UBE2K: variants seen among roughly 807,000 people sequenced by gnomAD.
UBE2K encodes ubiquitin-conjugating enzyme E2 K.
UBE2K carries 6 observed loss-of-function variants against 30.0 expected under a neutral mutation model. The observed-to-expected ratio is 0.20, with a 90% CI of 0.11 to 0.39. The LOEUF (loss-of-function observed/expected upper bound fraction) is 0.39, where lower values mean the gene tolerates loss of function less well. UBE2K is among the 10% of genes least tolerant of loss of function. The pLI, the probability that UBE2K is intolerant of heterozygous loss-of-function variation, is 1.00. For missense variants in UBE2K, 61 were observed against 241.6 expected (o/e 0.25, Z 4.96); for synonymous variants, 86 against 83.7 (o/e 1.03, Z -0.15).
At chr4:39,769,735 A>C (rs563824143) in intron 4 of UBE2K, among the ~76,000 whole-genome samples, 1 of 125,018 alleles carries the variant, frequency 8.0e-6, no homozygotes, top group South Asian at 2.7e-4. Context: ...GGGCAGGCTT[A>C]GCCAGGAATA....
At chr4:39,762,090 A>G (rs932258386) in intron 4 of UBE2K, among the ~76,000 whole-genome samples, 1 of 151,940 alleles carries the variant, frequency 6.6e-6, no homozygotes, top group African/African-American at 2.4e-5. Context: ...GAGGCAGAGA[A>G]TCGCTTAAAC....
intron 3 of UBE2K, among the ~76,000 whole-genome samples, chr4:39,755,327 G>T (rs1721471894): frequency 6.6e-6 from 1 of 152,074 alleles, no homozygotes; most frequent in Non-Finnish European, 1.5e-5. Context: ...TTTATTTTAT[G>T]TACTATTTTA....
chr4:39,717,943 T>G (rs1719188195), intron 1 of UBE2K, among the ~76,000 whole-genome samples: 1 of 146,874 alleles, frequency 6.8e-6, no homozygotes, highest in Non-Finnish European at 1.5e-5. Context: ...GCTTCAGGAG[T>G]GAAGCTGCAG....
intron 1 of UBE2K, among the ~76,000 whole-genome samples, chr4:39,711,318 A>C (rs1718663445): frequency 1.3e-5 from 2 of 151,184 alleles, no homozygotes; most frequent in Admixed American, 1.3e-4. Flanking sequence ...GCCCGCCACC[A>C]AGCCCAGCTA....
intron 4 of UBE2K, among the ~76,000 whole-genome samples, chr4:39,763,594 C>T (rs896037935): frequency 1.3e-5 from 2 of 152,078 alleles, no homozygotes; most frequent in African/African-American, 4.8e-5. Flanking sequence ...CAGTCATCAC[C>T]AATGGGGTGG....
chr4:39,762,854 G>A (rs916379508), intron 4 of UBE2K, among the ~76,000 whole-genome samples: 17 of 151,306 alleles, frequency 1.1e-4, no homozygotes, highest in Middle Eastern at 3.2e-3. Flanking sequence ...GGCTGGTCTC[G>A]AACTCCTGAC....
Position 39,755,745 on chromosome 4 carries a change from A to T in UBE2K, c.299+6A>T. ...GATATCCTGAAAGATCAATGGTAAG[A>T]GATTTTGAATTCACCTTCTCTCCTT... is the stretch of plus-strand genomic sequence containing the variant. On this transcript the variant is annotated splice_donor_region_variant and intron_variant, in intron 4 of 6. Coordinates refer to ENST00000261427, the MANE Select transcript of UBE2K (RefSeq NM_005339.5). 1.3e-6 allele frequency: 2 copies of T among 1,587,628 alleles called. No homozygotes were observed. Among genetic ancestry groups the T allele is most frequent in the South Asian group, 2.3e-5 (2 of 86,304 alleles).
chr4:39,758,760 C>T (rs1328792862), intron 4 of UBE2K, among the ~76,000 whole-genome samples: 1 of 151,876 alleles, frequency 6.6e-6, no homozygotes, highest in Non-Finnish European at 1.5e-5. Context: ...GTTAAGCCAA[C>T]AGTACTATTA....
intron 1 of UBE2K, among the ~76,000 whole-genome samples, chr4:39,707,212 T>G (rs925934123): frequency 2.0e-5 from 3 of 151,018 alleles, no homozygotes; most frequent in African/African-American, 4.9e-5. Context: ...ACCTGGAGTT[T>G]TTTTGTTTTG....
intron 1 of UBE2K, among the ~76,000 whole-genome samples, chr4:39,733,071 A>C (rs911255995): frequency 1.3e-5 from 2 of 150,970 alleles, no homozygotes; most frequent in African/African-American, 2.4e-5. Flanking sequence ...AAAAAAAAAA[A>C]AAACAACCAG....
rs778312365 is a variant in UBE2K at position 39,777,819 on chromosome 4, A to C, written c.528+9A>C. 5 of 1,424,934 alleles carry C rather than the reference A, an allele frequency of 3.5e-6. No individual in the cohort carries two copies. Among genetic ancestry groups the C allele is most frequent in the Non-Finnish European group, 4.6e-6 (5 of 1,086,318 alleles). 88.3% of individuals were successfully genotyped at this position (1,424,934 alleles called of 1,614,324 possible). A position where few individuals can be genotyped will look rare whatever the true frequency, so the allele number is the denominator to read the frequency against. ...CTATGGGCTTTGATAGGGTAAGTAC[A>C]TAAGGGCATGTTGATTTTGATATAT... is the stretch of plus-strand genomic sequence containing the variant. On this transcript the variant is annotated intron_variant, in intron 6 of 6. Coordinates refer to ENST00000261427, the MANE Select transcript of UBE2K (RefSeq NM_005339.5).
chr4:39,700,074 C>T (rs188810153), intron 1 of UBE2K, among the ~76,000 whole-genome samples: 1 of 152,216 alleles, frequency 6.6e-6, no homozygotes, highest in East Asian at 1.9e-4. Context: ...GTTGTACAAG[C>T]CTGAAACTTA....
At chr4:39,723,904 C>T (rs1016372077) in intron 1 of UBE2K, among the ~76,000 whole-genome samples, 3 of 152,166 alleles carry the variant, frequency 2.0e-5, no homozygotes, top group African/African-American at 2.4e-5. Flanking sequence ...CCTCTGCCTC[C>T]GGGGTTCAAG....
chr4:39,773,403 G>A (rs1713051584), intron 4 of UBE2K, among the ~76,000 whole-genome samples: 1 of 152,054 alleles, frequency 6.6e-6, no homozygotes, highest in South Asian at 2.1e-4. Flanking sequence ...GGGAGGTGGA[G>A]GTTCCGGTGA....
At chr4:39,708,303 A>C (rs1165902288) in intron 1 of UBE2K, among the ~76,000 whole-genome samples, 1 of 152,108 alleles carries the variant, frequency 6.6e-6, no homozygotes, top group Non-Finnish European at 1.5e-5. Flanking sequence ...GCATATTTAG[A>C]ACAGAAAGGT....
At chr4:39,711,068 AAAAAT>A (rs1204001949) in intron 1 of UBE2K, among the ~76,000 whole-genome samples, 3 of 151,750 alleles carry the variant, frequency 2.0e-5, no homozygotes, top group African/African-American at 7.3e-5. Flanking sequence ...TCCTGAATTT[AAAAAT>A]AAAATACTTT....
intron 2 of UBE2K, among the ~76,000 whole-genome samples, chr4:39,743,227 G>A (rs12648825): frequency 0.1 from 15,871 of 152,156 alleles, 1,096 homozygotes; most frequent in East Asian, 0.22. Flanking sequence ...TTGAAGAGCT[G>A]AGTGTATAGA....
At position 39,781,885 on chromosome 4, in the gene UBE2K, T is replaced by C; in HGVS notation, c.*3451T>C. The C allele has an allele frequency of 2.5e-6, 1 of 398,392 alleles. No homozygotes were observed. The highest frequency in any genetic ancestry group is 4.4e-6 in the Non-Finnish European group (1 of 225,856). The allele number at this position is 398,392 out of a possible 1,614,324, so 24.7% of individuals were successfully genotyped here. On this transcript the variant is annotated 3_prime_UTR_variant, in exon 7 of 7. Coordinates refer to ENST00000261427, the MANE Select transcript of UBE2K (RefSeq NM_005339.5). ...TTAGTATCAGTTTAAAGTAAATGCT[T>C]ACCATCAGCCAGTTGCTGTCACTGG...
intron 1 of UBE2K, among the ~76,000 whole-genome samples, chr4:39,719,239 G>A (rs532034426): frequency 3.9e-5 from 6 of 152,098 alleles, no homozygotes; most frequent in East Asian, 1.9e-4. Context: ...TTTACCTTTC[G>A]AAACCTACTT....
Sources: gnomAD v4.1 joint callset for allele counts (sites outside exome capture counted in the v4.1 genomes callset) on GRCh38, gnomAD v4.1.1 for gene constraint, MANE v1.5 for transcripts, NCBI Gene and HGNC (gene_info 2026-07-23, HGNC 2026-07-21) for gene names.